Variants in SCN8A observed in about 807,000 individuals in gnomAD.
SCN8A encodes sodium voltage-gated channel alpha subunit 8.
A neutral mutation model predicts 184.1 loss-of-function variants in SCN8A; 30 were observed. The ratio of observed to expected loss-of-function variants is 0.16; its 90% CI spans 0.12 to 0.22. The LOEUF is 0.22. Among genes scored for constraint, SCN8A ranks in the 10% least tolerant of loss-of-function variants. SCN8A has a pLI of 1.00. For synonymous variants in SCN8A, 852 were observed against 907.0 expected, an observed-to-expected ratio of 0.94 and a Z score of 1.09; for missense variants, 1,057 against 2,498.9, an observed-to-expected ratio of 0.42 and a Z score of 12.30.
At chr12:51,593,651 C>T (rs1020063053) in intron 1 of SCN8A, among the ~76,000 whole-genome samples, 6 of 152,048 alleles carry the variant, frequency 3.9e-5, no homozygotes, top group Admixed American at 2.6e-4. Context: ...ACCAGTTCTG[C>T]GGCGAAGTGC....
At chr12:51,727,345 T>A (rs1942171172) in intron 12 of SCN8A, among the ~76,000 whole-genome samples, 1 of 151,946 alleles carries the variant, frequency 6.6e-6, no homozygotes, top group South Asian at 2.1e-4. Context: ...TTTAAAATGT[T>A]AATTCTCCTC....
intron 1 of SCN8A, among the ~76,000 whole-genome samples, chr12:51,608,114 G>A (rs899836488): frequency 1.3e-5 from 2 of 149,052 alleles, no homozygotes; most frequent in Admixed American, 6.8e-5. Context: ...TCCGCCTCCC[G>A]GGTTCACACC....
At chr12:51,648,801 A>G (rs979026810) in intron 1 of SCN8A, among the ~76,000 whole-genome samples, 1 of 152,182 alleles carries the variant, frequency 6.6e-6, no homozygotes, top group African/African-American at 2.4e-5. Flanking sequence ...AAACCTTATC[A>G]TTCCACCCCT....
chr12:51,807,185 T>C lies in SCN8A; in HGVS notation c.5699T>C (p.Val1900Ala), dbSNP rs1064796694. The C allele has an allele frequency of 1.9e-6, 3 of 1,613,922 alleles. No individual in the cohort carries two copies. ...LRRKQEEVSAVVLQRAYRGHL... is the reference protein window; with the variant it reads ...LRRKQEEVSAAVLQRAYRGHL... ...CGCAAGCAGGAGGAGGTATCTGCAG[T>C]GGTCCTGCAGCGTGCCTACCGGGGA... The change falls in exon 27 of 27, where the codon GTG becomes GCG. Residue 1900 changes from valine to alanine, a missense_variant. Val to Ala is a moderately conservative substitution (Grantham distance 64). Around this residue, in one of 19 missense-constraint regions of SCN8A, gnomAD observed 95 missense variants for 140.2 expected, o/e 0.68. Coordinates refer to ENST00000627620, the MANE Select transcript of SCN8A (RefSeq NM_001330260.2). This position sits in a 1 kb window ranked among gnomAD's most constrained non-coding sequence, Gnocchi z 4.5.
chr12:51,795,897 A>T (rs1938392551), intron 26 of SCN8A, among the ~76,000 whole-genome samples: 1 of 148,406 alleles, frequency 6.7e-6, no homozygotes, highest in Non-Finnish European at 1.5e-5. Flanking sequence ...AAAAAAAAAA[A>T]TGAGCCAGGC....
chr12:51,720,887 G>A (rs1321299226), intron 11 of SCN8A, among the ~76,000 whole-genome samples: 9 of 151,620 alleles, frequency 5.9e-5, no homozygotes, highest in East Asian at 2.0e-4. Context: ...CCAACATGGC[G>A]AAACCCTGTC....
intron 12 of SCN8A, among the ~76,000 whole-genome samples, chr12:51,736,022 AG>A (rs1440843834): frequency 7.2e-5 from 11 of 152,192 alleles, no homozygotes; most frequent in African/African-American, 2.7e-4. Flanking sequence ...AAAAATTTAA[AG>A]TTAATAATGC....
chr12:51,607,114 C>T (rs1238387944), intron 1 of SCN8A, among the ~76,000 whole-genome samples: 1 of 152,090 alleles, frequency 6.6e-6, no homozygotes, highest in Non-Finnish European at 1.5e-5. Context: ...CCAGGCTGGT[C>T]TTGAACTCCT....
intron 6 of SCN8A, chr12:51,689,325 T>C (rs957296059): frequency 6.7e-5 from 34 of 503,710 alleles, no homozygotes; most frequent in African/African-American, 5.7e-4. Flanking sequence ...AAAAAGCACG[T>C]GCTTAAGAAT....
chr12:51,705,345 T>A, intron 9 of SCN8A, 72 bp from the exon 10 acceptor site: 1 of 1,417,300 alleles, frequency 7.1e-7, no homozygotes, highest in Non-Finnish European at 9.9e-7. Flanking sequence ...ACAGAGGAAC[T>A]TGGCCCATTA....
At chr12:51,618,580 C>T (rs1939895927) in intron 1 of SCN8A, among the ~76,000 whole-genome samples, 1 of 152,012 alleles carries the variant, frequency 6.6e-6, no homozygotes, top group African/African-American at 2.4e-5. Flanking sequence ...CCTAAACTAT[C>T]TGCTATCAAT....
At chr12:51,738,624 A>G (rs1405626120) in intron 12 of SCN8A, among the ~76,000 whole-genome samples, 5 of 152,212 alleles carry the variant, frequency 3.3e-5, no homozygotes. Context: ...CCATTCCCAC[A>G]TATGGCACAA....
intron 1 of SCN8A, among the ~76,000 whole-genome samples, chr12:51,657,569 T>A (rs1056302493): frequency 2.0e-5 from 3 of 152,156 alleles, no homozygotes; most frequent in African/African-American, 7.2e-5. Flanking sequence ...TCTCCCATTC[T>A]ACTGGTTGTC....
chr12:51,735,512 C>T (rs537937239), intron 12 of SCN8A, among the ~76,000 whole-genome samples: 1 of 152,226 alleles, frequency 6.6e-6, no homozygotes, highest in East Asian at 1.9e-4. Context: ...TGATTGCATC[C>T]AGGCATTATT....
In SCN8A at chr12:51,750,349, A is replaced by T. The variant is rs566558828; in HGVS notation, c.2132-1006A>T. 8.1e-4 allele frequency among the ~76,000 whole-genome samples: 123 copies of T among 152,330 alleles called. No homozygotes were observed. The South Asian group carries it at 0.018, about 22-fold the overall frequency. On this transcript the variant is annotated intron_variant, in intron 13 of 26. Coordinates refer to ENST00000627620, the MANE Select transcript of SCN8A (RefSeq NM_001330260.2). ...GAAGATAAGACAAAGGAGAGAAAGA[A>T]AAAGGAAAGAAGATGATGACCCAGG...
chr12:51,696,872 A>G (rs912550197), intron 6 of SCN8A, among the ~76,000 whole-genome samples: 1 of 151,862 alleles, frequency 6.6e-6, no homozygotes, highest in Admixed American at 6.6e-5. Context: ...CTCTGCTAAA[A>G]AAAAAAAATA....
At chr12:51,672,900 G>A (rs183281655) in intron 2 of SCN8A, among the ~76,000 whole-genome samples, 3 of 152,308 alleles carry the variant, frequency 2.0e-5, no homozygotes, top group Non-Finnish European at 2.9e-5. Context: ...GCTTCCTCAA[G>A]TTCCCTCAAC....
chr12:51,721,107 A>ATAT (rs1555221357), intron 11 of SCN8A, among the ~76,000 whole-genome samples: 96 of 102,168 alleles, frequency 9.4e-4, no homozygotes, highest in Non-Finnish European at 1.3e-3. Flanking sequence ...ATATATATAT[A>ATAT]ATATTTATTT....
chr12:51,665,930 C>T (rs1262803193), intron 2 of SCN8A, among the ~76,000 whole-genome samples: 3 of 152,030 alleles, frequency 2.0e-5, no homozygotes, highest in Non-Finnish European at 4.4e-5. Context: ...GGTATGGTGG[C>T]ACGGGCCTGT....
Sources: gnomAD v4.1 joint callset for allele counts (sites outside exome capture counted in the v4.1 genomes callset) on GRCh38, gnomAD v4.1.1 for gene constraint, gnomAD v4.1.1 regional missense constraint, Gnocchi (gnomAD v3.1) non-coding constraint, MANE v1.5 for transcripts, NCBI Gene and HGNC (gene_info 2026-07-23, HGNC 2026-07-21) for gene names.